FOXO1: variants seen among roughly 807,000 people sequenced by gnomAD.
FOXO1 encodes forkhead box protein O1.
Under a neutral mutation model 44.1 loss-of-function variants are expected in FOXO1, and 6 were observed. The observed-to-expected ratio is 0.14, with a 90% CI of 0.07 to 0.27. The LOEUF is 0.27. Among genes scored for constraint, FOXO1 ranks in the 10% least tolerant of loss-of-function variants. The probability of loss-of-function intolerance (pLI) is 1.00; values close to 1 mark genes in which losing one functional copy is unlikely to be tolerated. For synonymous variants in FOXO1, 380 were observed against 362.7 expected (o/e 1.05, Z -0.54); for missense variants, 737 against 888.8 (o/e 0.83, Z 2.17).
rs138698033 is a variant in FOXO1, at chr13:40,564,187, T to C, written c.631-3327A>G. Among the ~76,000 whole-genome samples the C allele has an allele frequency of 5.3e-4, 80 of 152,234 alleles. No homozygotes were observed. The East Asian group carries it at 0.014, about 27-fold the overall frequency. On this transcript the variant is annotated intron_variant, in intron 1 of 2. Coordinates refer to ENST00000379561, the MANE Select transcript of FOXO1 (RefSeq NM_002015.4). ...CACTGGCAAGCCCAGCTGGGGGTCA[T>C]TTTTAAAAAGACTGCAGGAGACATA...
intron 1 of FOXO1, among the ~76,000 whole-genome samples, chr13:40,633,500 G>A (rs1293062597): frequency 6.6e-6 from 1 of 152,162 alleles, no homozygotes; most frequent in East Asian, 1.9e-4. Flanking sequence ...GTTATGCTAA[G>A]TCAAAGAAGC....
intron 1 of FOXO1, among the ~76,000 whole-genome samples, chr13:40,653,670 T>C (rs936231801): frequency 5.3e-5 from 8 of 152,236 alleles, no homozygotes; most frequent in African/African-American, 1.7e-4. Context: ...GCTTTTTTAC[T>C]GCAGTTACAA....
rs532558120 is a variant in FOXO1, at chr13:40,647,552, GCAC to G, written c.630+18028_630+18030del. Among the ~76,000 whole-genome samples, 497 of 152,228 alleles carry G rather than the reference GCAC, an allele frequency of 3.3e-3. 3 individuals are homozygous for G. The highest frequency in any genetic ancestry group is 5.7e-3 in the Non-Finnish European group (387 of 68,028). On this transcript the variant is annotated intron_variant, in intron 1 of 2. Coordinates refer to ENST00000379561, the MANE Select transcript of FOXO1 (RefSeq NM_002015.4). ...CCCAAATAGCTGGGATTACAGCCGT[GCAC>G]CACCACATCTGGCTAGTTTTTGTAT...
chr13:40,612,708 G>A (rs1023901764), intron 1 of FOXO1, among the ~76,000 whole-genome samples: 1 of 152,168 alleles, frequency 6.6e-6, no homozygotes, highest in African/African-American at 2.4e-5. Context: ...TTGAGAGAGA[G>A]AGAAACCACA....
At chr13:40,576,595 G>GA (rs888657982) in intron 1 of FOXO1, among the ~76,000 whole-genome samples, 6 of 152,206 alleles carry the variant, frequency 3.9e-5, no homozygotes, top group Non-Finnish European at 8.8e-5. Flanking sequence ...AGTGCTGAGA[G>GA]AAGGGCCTCC....
chr13:40,651,423 C>T (rs1249511008), intron 1 of FOXO1, among the ~76,000 whole-genome samples: 3 of 152,038 alleles, frequency 2.0e-5, no homozygotes, highest in Non-Finnish European at 4.4e-5. Context: ...GTATCCACTC[C>T]AAAACCAGAA....
intron 1 of FOXO1, among the ~76,000 whole-genome samples, chr13:40,664,871 T>C (rs1294867225): frequency 2.0e-5 from 3 of 151,042 alleles, no homozygotes; most frequent in South Asian, 2.1e-4. Flanking sequence ...ACTTGAACTT[T>C]AGCTCGCCCC....
chr13:40,622,534 TG>T (rs919776390), intron 1 of FOXO1, among the ~76,000 whole-genome samples: 37 of 152,188 alleles, frequency 2.4e-4, no homozygotes, highest in African/African-American at 7.0e-4. Flanking sequence ...GATAGCTCAC[TG>T]AAGGAGTTTC....
At chr13:40,569,904 C>G (rs1874414381) in intron 1 of FOXO1, among the ~76,000 whole-genome samples, 1 of 152,096 alleles carries the variant, frequency 6.6e-6, no homozygotes, top group South Asian at 2.1e-4. Flanking sequence ...CACCACTGCA[C>G]CTGGACTGAT....
intron 1 of FOXO1, among the ~76,000 whole-genome samples, chr13:40,604,867 C>A (rs1875939543): frequency 6.6e-6 from 1 of 152,012 alleles, no homozygotes; most frequent in South Asian, 2.1e-4. Context: ...TTCTAAAATT[C>A]AATTGGTTCC....
chr13:40,618,508 G>A (rs66879157), intron 1 of FOXO1, among the ~76,000 whole-genome samples: 15,249 of 152,222 alleles, frequency 0.1, 992 homozygotes, highest in East Asian at 0.25. Flanking sequence ...TGGCTAAGCC[G>A]AGTGATGAGG....
intron 1 of FOXO1, among the ~76,000 whole-genome samples, chr13:40,659,746 T>C (rs1054583112): frequency 7.2e-5 from 11 of 152,154 alleles, no homozygotes; most frequent in African/African-American, 2.7e-4. Context: ...GATTCAACTA[T>C]TGGCGGTGCT....
intron 1 of FOXO1, among the ~76,000 whole-genome samples, chr13:40,596,042 T>G (rs1875565870): frequency 6.6e-6 from 1 of 151,980 alleles, no homozygotes; most frequent in South Asian, 2.1e-4. Flanking sequence ...CAACAGAATT[T>G]GCTCTGAGTT....
chr13:40,662,402 G>GA (rs1388117038), intron 1 of FOXO1, among the ~76,000 whole-genome samples: 1 of 151,932 alleles, frequency 6.6e-6, no homozygotes, highest in African/African-American at 2.4e-5. Context: ...CTTTCTATGT[G>GA]AAAAAACAGG....
At chr13:40,629,599 A>G (rs1876896600) in intron 1 of FOXO1, among the ~76,000 whole-genome samples, 1 of 152,254 alleles carries the variant, frequency 6.6e-6, no homozygotes, top group Non-Finnish European at 1.5e-5. Flanking sequence ...TTACCAGTTA[A>G]GCATCCCTAA....
chr13:40,658,481 A>G (rs1403370528), intron 1 of FOXO1, among the ~76,000 whole-genome samples: 3 of 152,206 alleles, frequency 2.0e-5, no homozygotes, highest in African/African-American at 7.2e-5. Flanking sequence ...GACATGCTGG[A>G]TTTGAGATAA....
In FOXO1 at chr13:40,666,369, A is replaced by G; in HGVS notation, c.-157T>C. On this transcript the variant is annotated 5_prime_UTR_variant, in exon 1 of 3. Transcript: ENST00000379561. ...GGAAACTGGGAGGAAGGCGCGGCGG[A>G]GTGGAAGCGCGAGCCCAGAACTTAA... 2 of 542,282 alleles carry G rather than the reference A, an allele frequency of 3.7e-6. No individual in the cohort carries two copies. Among genetic ancestry groups the G allele is most frequent in the African/African-American group, 2.0e-5 (1 of 50,340 alleles). The allele number at this position is 542,282 out of a possible 1,614,324, so 33.6% of individuals were successfully genotyped here. A position where few individuals can be genotyped will look rare whatever the true frequency, so the allele number is the denominator to read the frequency against.
intron 1 of FOXO1, among the ~76,000 whole-genome samples, chr13:40,636,093 T>A (rs1467796978): frequency 6.6e-6 from 1 of 152,072 alleles, no homozygotes; most frequent in Non-Finnish European, 1.5e-5. Flanking sequence ...GGTACACCTG[T>A]AGTCCCAACT....
chr13:40,576,989 G>C (rs903220078), intron 1 of FOXO1, among the ~76,000 whole-genome samples: 2 of 152,182 alleles, frequency 1.3e-5, no homozygotes, highest in Non-Finnish European at 2.9e-5. Context: ...AGGAAATAAT[G>C]GCCTACAATG....
Sources: allele counts gnomAD v4.1 joint callset (sites outside exome capture counted in the v4.1 genomes callset), GRCh38; gene constraint gnomAD v4.1.1; transcripts MANE v1.5; gene names NCBI Gene and HGNC (gene_info 2026-07-23, HGNC 2026-07-21).